The following GPR158 variants were observed in gnomAD, a reference collection of about 807,000 sequenced individuals.
GPR158 encodes metabotropic glycine receptor.
In GPR158, 30 loss-of-function variants were observed where a neutral mutation model predicts 78.2. That is an observed-to-expected ratio of 0.38 (90% CI 0.29 to 0.52). The LOEUF (loss-of-function observed/expected upper bound fraction) is 0.52, where lower values mean the gene tolerates loss of function less well. Among genes scored for constraint, GPR158 ranks in the 20% least tolerant of loss-of-function variants. GPR158 has a pLI of 0.83. For synonymous variants in GPR158, 581 were observed against 591.1 expected (o/e 0.98, Z 0.25); for missense variants, 1,463 against 1,523.5 (o/e 0.96, Z 0.66).
At chr10:25,354,718 C>G (rs1027022528) in intron 2 of GPR158, among the ~76,000 whole-genome samples, 3 of 151,952 alleles carry the variant, frequency 2.0e-5, no homozygotes, top group Non-Finnish European at 4.4e-5. Flanking sequence ...CTGAAGAGCT[C>G]CCTTTAGCAT....
At chr10:25,514,487 A>G (rs1193399278) in intron 5 of GPR158, among the ~76,000 whole-genome samples, 1 of 152,070 alleles carries the variant, frequency 6.6e-6, no homozygotes, top group Non-Finnish European at 1.5e-5. Flanking sequence ...TTCTTAGTGG[A>G]GCATTTATGC....
At chr10:25,358,101 G>A (rs1855577629) in intron 2 of GPR158, among the ~76,000 whole-genome samples, 1 of 152,092 alleles carries the variant, frequency 6.6e-6, no homozygotes, top group Non-Finnish European at 1.5e-5. Context: ...CATGGGGCCT[G>A]TAGCCCCTTT....
At chr10:25,461,701 C>G (rs972032145) in intron 4 of GPR158, among the ~76,000 whole-genome samples, 33 of 151,560 alleles carry the variant, frequency 2.2e-4, no homozygotes, top group African/African-American at 8.0e-4. Flanking sequence ...TGAAATAGCC[C>G]TCTACTGGAA....
chr10:25,476,020 TCCA>T (rs1387432003), intron 5 of GPR158: 2 of 152,148 alleles, frequency 1.3e-5, no homozygotes. Flanking sequence ...TATTGGAAAG[TCCA>T]AATTAGAGAT....
At chr10:25,191,359 T>C (rs1852769837) in intron 1 of GPR158, among the ~76,000 whole-genome samples, 1 of 152,198 alleles carries the variant, frequency 6.6e-6, no homozygotes, top group Non-Finnish European at 1.5e-5. Flanking sequence ...AAAAAGATGC[T>C]GAGTCATCAA....
At chr10:25,275,906 TG>T in intron 2 of GPR158, among the ~76,000 whole-genome samples, 1 of 152,290 alleles carries the variant, frequency 6.6e-6, no homozygotes, top group East Asian at 1.9e-4. Flanking sequence ...TGATGTCTTC[TG>T]GCATGTTATT....
chr10:25,416,807 A>G (rs891285030), intron 4 of GPR158, among the ~76,000 whole-genome samples: 1 of 152,206 alleles, frequency 6.6e-6, no homozygotes. Context: ...TTATGCATGT[A>G]TATTTAGCCT....
At chr10:25,367,628 C>A (rs1205605119) in intron 2 of GPR158, among the ~76,000 whole-genome samples, 5 of 148,794 alleles carry the variant, frequency 3.4e-5, no homozygotes, top group Non-Finnish European at 4.5e-5. Context: ...TTCATATTTT[C>A]TTTAATTTAT....
chr10:25,420,656 A>C (rs1331914205), intron 4 of GPR158, among the ~76,000 whole-genome samples: 2 of 148,012 alleles, frequency 1.4e-5, no homozygotes, highest in Admixed American at 1.3e-4. Flanking sequence ...ATAAGATCAG[A>C]ATCCAACTTC....
At chr10:25,427,369 C>G (rs1316521452) in intron 4 of GPR158, among the ~76,000 whole-genome samples, 1 of 152,054 alleles carries the variant, frequency 6.6e-6, no homozygotes, top group Non-Finnish European at 1.5e-5. Context: ...AGTTTGACCT[C>G]TGCTGTGTGT....
intron 2 of GPR158, among the ~76,000 whole-genome samples, chr10:25,231,576 A>G (rs564651861): frequency 2.0e-5 from 3 of 152,284 alleles, no homozygotes; most frequent in African/African-American, 4.8e-5. Flanking sequence ...ATTAGAATGT[A>G]CAAAGGAGAG....
intron 2 of GPR158, among the ~76,000 whole-genome samples, chr10:25,321,885 T>C (rs1452573982): frequency 6.6e-6 from 1 of 152,212 alleles, no homozygotes; most frequent in Non-Finnish European, 1.5e-5. Context: ...TAGCATTTCA[T>C]ATTTTTATTT....
At chr10:25,202,985 C>A (rs1445907845) in intron 1 of GPR158, among the ~76,000 whole-genome samples, 1 of 152,110 alleles carries the variant, frequency 6.6e-6, no homozygotes, top group East Asian at 1.9e-4. Context: ...TGGTTTTGAT[C>A]TGCATTTCTC....
chr10:25,474,179 AGTTCTTC>A (rs1442948616), intron 5 of GPR158, among the ~76,000 whole-genome samples: 5 of 152,062 alleles, frequency 3.3e-5, no homozygotes, highest in African/African-American at 7.2e-5. Context: ...CTAGTAAATA[AGTTCTTC>A]CCTTGACCCT....
At chr10:25,293,188 C>G (rs1451726015) in intron 2 of GPR158, among the ~76,000 whole-genome samples, 2 of 152,124 alleles carry the variant, frequency 1.3e-5, no homozygotes, top group East Asian at 3.9e-4. Flanking sequence ...GTTGAGAATT[C>G]CTTTTCTAGT....
At chr10:25,364,818 C>T (rs34630300) in intron 2 of GPR158, among the ~76,000 whole-genome samples, 21,459 of 151,620 alleles carry the variant, frequency 0.14, 1,843 homozygotes, top group African/African-American at 0.24. Context: ...TTTATATTTC[C>T]GGTCAAATGT....
chr10:25,366,872 C>T (rs1157565074), intron 2 of GPR158, among the ~76,000 whole-genome samples: 2 of 151,534 alleles, frequency 1.3e-5, no homozygotes, highest in Non-Finnish European at 3.0e-5. Context: ...TTGTAATGTT[C>T]TGTTTAAGAC....
At chr10:25,532,641 A>T (rs1588901318) in intron 5 of GPR158, among the ~76,000 whole-genome samples, 2 of 151,618 alleles carry the variant, frequency 1.3e-5, no homozygotes, top group South Asian at 2.1e-4. Context: ...AACACCCTCC[A>T]TTCCCCATTT....
chr10:25,496,424 T>C (rs1835881473), intron 5 of GPR158, among the ~76,000 whole-genome samples: 1 of 152,214 alleles, frequency 6.6e-6, no homozygotes, highest in African/African-American at 2.4e-5. Context: ...ATGCCTGTCT[T>C]TTGGATCTCA....
Sources: allele counts gnomAD v4.1 joint callset (sites outside exome capture counted in the v4.1 genomes callset), GRCh38; gene constraint gnomAD v4.1.1; transcripts MANE v1.5; gene names NCBI Gene and HGNC (gene_info 2026-07-23, HGNC 2026-07-21).